Variants in RPL26 observed in about 807,000 individuals in gnomAD.
The protein encoded by RPL26 is ribosomal protein L26.
Under a neutral mutation model 16.2 loss-of-function variants are expected in RPL26, and 1 was observed. The observed-to-expected ratio is 0.06, with a 90% CI of 0.02 to 0.29. The LOEUF is 0.29. Ranked by LOEUF, RPL26 falls within the 10% of genes least tolerant of loss-of-function variation. The probability of loss-of-function intolerance (pLI) is 1.00; values close to 1 mark genes in which losing one functional copy is unlikely to be tolerated. For missense variants in RPL26, 102 were observed against 184.3 expected, an observed-to-expected ratio of 0.55 and a Z score of 2.58; for synonymous variants, 55 against 62.4, an observed-to-expected ratio of 0.88 and a Z score of 0.56.
chr17:8,381,120 G>A (rs1907389560), intron 2 of RPL26: 1 of 151,878 alleles, frequency 6.6e-6, no homozygotes, highest in Admixed American at 6.6e-5. Flanking sequence ...CCCCATCCAG[G>A]AACCAACTCA....
rs1420698261 is a variant in RPL26 at position 8,379,789 on chromosome 17, C to A, written c.309+7G>T. ...TCCTTCTCTCAAGCATTCTCAAAAA[C>A]ACCTACCTTGCTGGGGTGAATGCCT... On this transcript the variant is annotated splice_region_variant and intron_variant, in intron 3 of 3. Transcript: ENST00000648839. 18 of 1,611,562 alleles carry A rather than the reference C, an allele frequency of 1.1e-5. No individual in the cohort carries two copies. Among genetic ancestry groups the A allele is most frequent in the Non-Finnish European group, 1.4e-5 (17 of 1,179,220 alleles).
At chr17:8,379,245 A>G (rs1907300982) in intron 3 of RPL26, 1 of 150,932 alleles carries the variant, frequency 6.6e-6, no homozygotes, top group Non-Finnish European at 1.5e-5. Flanking sequence ...GCTGAAGTGC[A>G]ATGGTGCGAT....
At chr17:8,380,451 T>C (rs1235346064) in intron 2 of RPL26, 1 of 153,744 alleles carries the variant, frequency 6.5e-6, no homozygotes, top group Non-Finnish European at 1.4e-5. Context: ...GAAATAGGCA[T>C]GAAAAAATAT....
intron 2 of RPL26, chr17:8,380,200 C>A (rs923184258): frequency 5.3e-6 from 2 of 378,248 alleles, no homozygotes; most frequent in East Asian, 4.1e-5. Flanking sequence ...AAATGCTTAA[C>A]GGAACAAACC....
At chr17:8,379,684 T>C (rs1403447716) in intron 3 of RPL26, 112 bp downstream of exon 3, 3 of 1,016,528 alleles carry the variant, frequency 3.0e-6, no homozygotes, top group Non-Finnish European at 4.4e-6. Context: ...AAAATGTTTT[T>C]TTCCAGCACA....
chr17:8,378,265 G>A (rs973939460), intron 3 of RPL26, among the ~76,000 whole-genome samples: 9 of 151,396 alleles, frequency 5.9e-5, no homozygotes, highest in Non-Finnish European at 1.2e-4. Context: ...CTGGGGGGGC[G>A]GAGGCTGCAG....
chr17:8,381,950 G>A (rs1907436671), intron 2 of RPL26, 193 bp downstream of exon 2: 2 of 382,050 alleles, frequency 5.2e-6, no homozygotes, highest in South Asian at 3.0e-5. Flanking sequence ...AAAAAAAAAA[G>A]ATTTTCACCA....
chr17:8,382,119 A>G, intron 2 of RPL26, 24 bp downstream of exon 2: 1 of 1,601,966 alleles, frequency 6.2e-7, no homozygotes, highest in Non-Finnish European at 8.5e-7. Flanking sequence ...CATCAAGACA[A>G]CGAGAACAAG....
chr17:8,380,167 A>G (rs1355106141), intron 2 of RPL26: 1 of 462,398 alleles, frequency 2.2e-6, no homozygotes, highest in Non-Finnish European at 3.8e-6. Flanking sequence ...TGTGCAACCT[A>G]GTGCTAGTCA....
Position 8,383,171 on chromosome 17 carries a change from G to A in RPL26, c.-20C>T, listed in dbSNP as rs563916710. 1.5e-5 allele frequency: 6 copies of A among 398,596 alleles called. No homozygotes were observed. Among genetic ancestry groups the A allele is most frequent in the African/African-American group, 1.0e-4 (5 of 48,722 alleles). The allele number at this position is 398,596 out of a possible 1,614,324, so 24.7% of individuals were successfully genotyped here. Reference sequence around the variant, plus strand: ...CGAATCCTTACCCGCTCCCGCTTCGGTGATGGCCGCAAAAGGGAAGAGAAC... The same window carrying A: ...CGAATCCTTACCCGCTCCCGCTTCGATGATGGCCGCAAAAGGGAAGAGAAC... On this transcript the variant is annotated 5_prime_UTR_variant, in exon 1 of 4. Coordinates refer to ENST00000648839, the MANE Select transcript of RPL26 (RefSeq NM_000987.5).
At position 8,377,633 on chromosome 17, in the gene RPL26, G is replaced by A. The variant is rs1192785164; in HGVS notation, c.369C>T (p.Ala123=). The A allele has an allele frequency of 6.8e-6, 11 of 1,609,728 alleles. No individual in the cohort carries two copies. In the Admixed American group the frequency reaches 1.7e-4, roughly 24 times the overall value. Residue 123 remains alanine (A), a synonymous_variant, in exon 4 of 4, where the codon GCC becomes GCT. Transcript: ENST00000648839. ...KDRKKILERK[A]KSRQVGKEKG... ...TTTCCTTTCCTACTTGGCGAGATTT[G>A]GCTTTCCGTTCGAGGATCTTTTTGC... is the stretch of plus-strand genomic sequence containing the variant.
At chr17:8,377,973 A>G (rs1031969579) in intron 3 of RPL26, among the ~76,000 whole-genome samples, 2 of 152,214 alleles carry the variant, frequency 1.3e-5, no homozygotes, top group East Asian at 1.9e-4. Flanking sequence ...TCACTGAGAA[A>G]TATATGATTC....
chr17:8,379,252 C>T (rs558713557), intron 3 of RPL26: 56 of 150,470 alleles, frequency 3.7e-4, no homozygotes, highest in African/African-American at 1.2e-3. Context: ...TGCAATGGTG[C>T]GATCTCGGCT....
At chr17:8,383,040 C>T (rs1907501795) in intron 1 of RPL26, 117 bp downstream of exon 1, 4 of 398,552 alleles carry the variant, frequency 1.0e-5, no homozygotes, top group South Asian at 1.3e-4. Flanking sequence ...ATCCCAGTCT[C>T]TCCTTCCTGG....
At chr17:8,379,666 T>G in intron 3 of RPL26, 130 bp downstream of exon 3, 1 of 818,080 alleles carries the variant, frequency 1.2e-6, no homozygotes, top group Non-Finnish European at 2.0e-6. Flanking sequence ...TGCAGTAGTA[T>G]TTACTTTAAA....
chr17:8,382,721 C>T (rs1907481981), intron 1 of RPL26: 2 of 310,312 alleles, frequency 6.4e-6, no homozygotes, highest in Non-Finnish European at 1.2e-5. Context: ...TCATCTTCTA[C>T]AGGCTTAAGA....
chr17:8,379,559 G>A (rs1277935139), intron 3 of RPL26: 3 of 573,890 alleles, frequency 5.2e-6, no homozygotes, highest in Non-Finnish European at 6.1e-6. Flanking sequence ...GGGTGAAAGA[G>A]CAAGACTGTC....
chr17:8,380,872 C>T (rs1258157551), intron 2 of RPL26, among the ~76,000 whole-genome samples: 1 of 152,234 alleles, frequency 6.6e-6, no homozygotes, highest in Non-Finnish European at 1.5e-5. Context: ...AAGATGCTAA[C>T]AGTGCTTTCC....
chr17:8,381,740 C>G (rs542998930), intron 2 of RPL26: 1 of 215,120 alleles, frequency 4.6e-6, no homozygotes, highest in Non-Finnish European at 9.3e-6. Context: ...CCACCCTGCC[C>G]AACATGGTGA....
Sources: allele counts gnomAD v4.1 joint callset (sites outside exome capture counted in the v4.1 genomes callset), GRCh38; gene constraint gnomAD v4.1.1; transcripts MANE v1.5; gene names NCBI Gene and HGNC (gene_info 2026-07-23, HGNC 2026-07-21).